The following SOX5 variants were observed in gnomAD, a reference collection of about 807,000 sequenced individuals.
SOX5 encodes SRY-box transcription factor 5.
Under a neutral mutation model 92.0 loss-of-function variants are expected in SOX5, and 9 were observed. The ratio of observed to expected loss-of-function variants is 0.10; its 90% confidence interval spans 0.06 to 0.17. The LOEUF is 0.17. SOX5 is among the 10% of genes least tolerant of loss of function. The pLI, the probability that SOX5 is intolerant of heterozygous loss-of-function variation, is 1.00. For synonymous variants in SOX5, 344 were observed against 336.3 expected (o/e 1.02, Z -0.25); for missense variants, 642 against 944.5 (o/e 0.68, Z 4.20).
intron 4 of SOX5, among the ~76,000 whole-genome samples, chr12:24,001,466 T>G (rs2136375510): frequency 6.6e-6 from 1 of 152,188 alleles, no homozygotes; most frequent in African/African-American, 2.4e-5. Flanking sequence ...TCAGTAAATA[T>G]TTGGAAATTA....
chr12:23,700,029 T>A (rs1049352687), intron 6 of SOX5, among the ~76,000 whole-genome samples: 9 of 152,250 alleles, frequency 5.9e-5, no homozygotes, highest in African/African-American at 2.2e-4. Flanking sequence ...GAAAAAATTT[T>A]AAGAGTCATT....
intron 4 of SOX5, among the ~76,000 whole-genome samples, chr12:24,017,177 G>A (rs117606849): frequency 6.6e-6 from 1 of 152,290 alleles, no homozygotes; most frequent in East Asian, 1.9e-4. Flanking sequence ...TTAAGGCAAA[G>A]GCACCAACGC....
intron 1 of SOX5, among the ~76,000 whole-genome samples, chr12:23,911,504 G>T (rs957676436): frequency 1.3e-5 from 2 of 151,914 alleles, no homozygotes; most frequent in African/African-American, 2.4e-5. Flanking sequence ...TTGTTGTTCG[G>T]TTTTTCTTCC....
intron 1 of SOX5, among the ~76,000 whole-genome samples, chr12:24,401,395 T>C (rs1448708876): frequency 6.6e-6 from 1 of 151,666 alleles, no homozygotes; most frequent in Non-Finnish European, 1.5e-5. Context: ...ATTACTATTA[T>C]ATTTTGAACT....
chr12:23,731,356 A>G (rs2093385527), intron 6 of SOX5, among the ~76,000 whole-genome samples: 2 of 152,148 alleles, frequency 1.3e-5, no homozygotes, highest in Non-Finnish European at 2.9e-5. Flanking sequence ...CCCCTCTCAT[A>G]TATTTATCTA....
intron 1 of SOX5, among the ~76,000 whole-genome samples, chr12:23,937,969 G>A (rs746627339): frequency 1.3e-5 from 2 of 150,126 alleles, no homozygotes; most frequent in Non-Finnish European, 3.0e-5. Flanking sequence ...TAAAATGTGC[G>A]CTTTTTTTTT....
At chr12:24,554,095 A>G (rs777609557) in intron 1 of SOX5, among the ~76,000 whole-genome samples, 5 of 152,228 alleles carry the variant, frequency 3.3e-5, no homozygotes, top group East Asian at 1.9e-4. Flanking sequence ...AAGAATGCCA[A>G]TGGTGCACAG....
chr12:23,942,444 G>T (rs1169224218), intron 1 of SOX5, among the ~76,000 whole-genome samples: 1 of 151,818 alleles, frequency 6.6e-6, no homozygotes, highest in African/African-American at 2.4e-5. Flanking sequence ...TTAAAAATAT[G>T]ACAAGAAAAC....
At chr12:23,625,084 C>T (rs956152888) in intron 8 of SOX5, among the ~76,000 whole-genome samples, 6 of 152,166 alleles carry the variant, frequency 3.9e-5, no homozygotes, top group Admixed American at 3.3e-4. Context: ...GTTCACCATA[C>T]ACCATTTAAG....
chr12:24,173,123 C>G (rs983580028), intron 4 of SOX5, among the ~76,000 whole-genome samples: 3 of 152,200 alleles, frequency 2.0e-5, no homozygotes, highest in African/African-American at 7.2e-5. Context: ...TGCCATCTTC[C>G]TCTCCTTTCA....
At chr12:24,144,635 G>A (rs961248941) in intron 4 of SOX5, among the ~76,000 whole-genome samples, 5 of 151,926 alleles carry the variant, frequency 3.3e-5, no homozygotes, top group African/African-American at 1.2e-4. Context: ...GTGGTGCTGG[G>A]CACCACAGCA....
intron 4 of SOX5, among the ~76,000 whole-genome samples, chr12:24,015,869 T>C (rs2136603177): frequency 6.6e-6 from 1 of 151,762 alleles, no homozygotes; most frequent in Middle Eastern, 3.4e-3. Context: ...TCCAGACTGT[T>C]AGCCAACAGT....
chr12:24,478,607 G>A (rs74068360), intron 1 of SOX5, among the ~76,000 whole-genome samples: 8 of 152,194 alleles, frequency 5.3e-5, no homozygotes, highest in Admixed American at 1.3e-4. Flanking sequence ...CCTATGCTCC[G>A]TTTCTGTTAT....
chr12:23,748,801 C>CAATGT (rs2094086942), intron 4 of SOX5, among the ~76,000 whole-genome samples: 1 of 151,856 alleles, frequency 6.6e-6, no homozygotes, highest in Non-Finnish European at 1.5e-5. Flanking sequence ...AACTGGTATT[C>CAATGT]CACTTGAAAC....
At chr12:23,739,291 G>A (rs1156557148) in intron 5 of SOX5, among the ~76,000 whole-genome samples, 2 of 152,064 alleles carry the variant, frequency 1.3e-5, no homozygotes, top group African/African-American at 2.4e-5. Flanking sequence ...TCTATCTTAC[G>A]TTGTATTTAC....
At chr12:24,275,539 A>G (rs558355686) in intron 3 of SOX5, among the ~76,000 whole-genome samples, 4 of 152,140 alleles carry the variant, frequency 2.6e-5, no homozygotes, top group Non-Finnish European at 5.9e-5. Context: ...TTCTGGTTGC[A>G]GGATATCCCA....
intron 7 of SOX5, among the ~76,000 whole-genome samples, chr12:23,662,803 A>G (rs2083243274): frequency 6.6e-6 from 1 of 152,200 alleles, no homozygotes; most frequent in South Asian, 2.1e-4. Context: ...AGAAACGTTT[A>G]TCATCAGTAT....
At chr12:23,973,796 C>A (rs1308802269) in intron 4 of SOX5, among the ~76,000 whole-genome samples, 2 of 152,196 alleles carry the variant, frequency 1.3e-5, no homozygotes, top group African/African-American at 4.8e-5. Flanking sequence ...TCTGTCAGAT[C>A]AGCGGAGGCA....
intron 4 of SOX5, among the ~76,000 whole-genome samples, chr12:24,174,213 G>A (rs1954544345): frequency 6.6e-6 from 1 of 152,018 alleles, no homozygotes; most frequent in Admixed American, 6.5e-5. Context: ...TGCCCAGGAT[G>A]GTCTCGAACT....
Sources: allele counts gnomAD v4.1 joint callset (sites outside exome capture counted in the v4.1 genomes callset), GRCh38; gene constraint gnomAD v4.1.1; transcripts MANE v1.5; gene names NCBI Gene and HGNC (gene_info 2026-07-23, HGNC 2026-07-21).